LPP: variants seen among roughly 807,000 people sequenced by gnomAD.
The protein encoded by LPP is LIM domain containing preferred translocation partner in lipoma, also known as lipoma-preferred partner.
LPP carries 38 observed loss-of-function variants against 60.4 expected under a neutral mutation model. The ratio of observed to expected loss-of-function variants is 0.63; its 90% CI spans 0.49 to 0.83. The LOEUF (loss-of-function observed/expected upper bound fraction) is 0.83, where lower values mean the gene tolerates loss of function less well. Ranked by LOEUF, LPP falls within the 40% of genes least tolerant of loss-of-function variation. The pLI is 0.00. For missense variants in LPP, 902 were observed against 783.6 expected (o/e 1.15, Z -1.80); for synonymous variants, 328 against 290.8 (o/e 1.13, Z -1.30).
intron 2 of LPP, among the ~76,000 whole-genome samples, chr3:188,238,606 C>T (rs1172909815): frequency 5.3e-5 from 8 of 152,024 alleles, no homozygotes; most frequent in African/African-American, 1.2e-4. Context: ...CAAGGAGAGA[C>T]GTGGGAATGG....
chr3:188,243,773 G>A (rs900850743), intron 2 of LPP, among the ~76,000 whole-genome samples: 1 of 152,110 alleles, frequency 6.6e-6, no homozygotes, highest in African/African-American at 2.4e-5. Flanking sequence ...CTCTCTGGGT[G>A]TAATTTCTTC....
At chr3:188,350,329 T>C (rs895755376) in intron 3 of LPP, among the ~76,000 whole-genome samples, 1 of 152,180 alleles carries the variant, frequency 6.6e-6, no homozygotes, top group Non-Finnish European at 1.5e-5. Context: ...AGGTTTCTTA[T>C]AGAACTAGGG....
intron 3 of LPP, among the ~76,000 whole-genome samples, chr3:188,378,930 A>T (rs910855504): frequency 2.6e-5 from 4 of 152,006 alleles, no homozygotes; most frequent in Non-Finnish European, 4.4e-5. Context: ...TCCATGTGTT[A>T]ATTACTTTAT....
chr3:188,686,170 G>A (rs904177362), intron 7 of LPP, among the ~76,000 whole-genome samples: 6 of 151,992 alleles, frequency 3.9e-5, no homozygotes. Flanking sequence ...CCAGAGCTCT[G>A]TACAAAATAT....
intron 8 of LPP, among the ~76,000 whole-genome samples, chr3:188,742,724 G>A (rs1213533595): frequency 6.6e-6 from 1 of 152,120 alleles, no homozygotes; most frequent in Admixed American, 6.6e-5. Flanking sequence ...AAATGTTCCA[G>A]ATCCTGGTAA....
At chr3:188,607,116 GACACACACACAC>G (rs34057522) in intron 6 of LPP, among the ~76,000 whole-genome samples, 12,083 of 129,538 alleles carry the variant, frequency 0.093, 679 homozygotes, top group Non-Finnish European at 0.12. Flanking sequence ...TCTTGGTGAA[GACACACACACAC>G]ACACACACAC....
intron 8 of LPP, among the ~76,000 whole-genome samples, chr3:188,759,801 G>A (rs1051447915): frequency 6.6e-6 from 1 of 152,138 alleles, no homozygotes; most frequent in Non-Finnish European, 1.5e-5. Context: ...TTGCATGTGA[G>A]ATGAGAGTCA....
chr3:188,376,397 G>C (rs973415255), intron 3 of LPP, among the ~76,000 whole-genome samples: 31 of 152,094 alleles, frequency 2.0e-4, no homozygotes, highest in African/African-American at 5.1e-4. Context: ...TCCTATATTG[G>C]GTGCATATAT....
chr3:188,833,453 A>G (rs544276773), intron 9 of LPP, among the ~76,000 whole-genome samples: 1 of 152,276 alleles, frequency 6.6e-6, no homozygotes, highest in African/African-American at 2.4e-5. Flanking sequence ...CTGCAGGTGG[A>G]GCGTTGGATC....
intron 2 of LPP, among the ~76,000 whole-genome samples, chr3:188,280,758 C>T (rs1423294588): frequency 2.6e-5 from 4 of 152,018 alleles, no homozygotes; most frequent in Admixed American, 1.3e-4. Context: ...TGGATTAACA[C>T]GATGACACAG....
chr3:188,627,558 CATA>C (rs1289054031), intron 7 of LPP, among the ~76,000 whole-genome samples: 1 of 152,262 alleles, frequency 6.6e-6, no homozygotes, highest in African/African-American at 2.4e-5. Context: ...AAGGGCATTA[CATA>C]ATGATAAAGG....
intron 1 of LPP, among the ~76,000 whole-genome samples, chr3:188,157,332 C>G (rs1660836834): frequency 6.6e-6 from 1 of 152,012 alleles, no homozygotes; most frequent in South Asian, 2.1e-4. Flanking sequence ...AGAACTTTTG[C>G]TTCTTGGTGG....
In LPP at chr3:188,776,428, T is replaced by A. The variant is rs1329040320; in HGVS notation, c.1410+16146T>A. Among the ~76,000 whole-genome samples, 7 of 152,294 alleles carry A rather than the reference T, an allele frequency of 4.6e-5. No homozygotes were observed. In the South Asian group the frequency reaches 1.2e-3, roughly 27 times the overall value. ...AATCAGCCTCTTGTTCAGTAAAGAT[T>A]TGTTGAGCATTCATTATATGTGCAT... On this transcript the variant is annotated intron_variant, in intron 9 of 11. Coordinates refer to ENST00000617246, the MANE Select transcript of LPP (RefSeq NM_001375462.1).
chr3:188,528,603 C>A (rs1453345901), intron 6 of LPP, among the ~76,000 whole-genome samples: 4 of 152,220 alleles, frequency 2.6e-5, no homozygotes, highest in Admixed American at 6.5e-5. Context: ...TTGTGAAGCA[C>A]TTTCACATAT....
Position 188,609,977 on chromosome 3 carries a change from G to A in LPP, c.1113+133G>A. On this transcript the variant is annotated intron_variant, in intron 7 of 11. Transcript: ENST00000617246. This position sits in a 1 kb window ranked among gnomAD's most constrained non-coding sequence, Gnocchi z 6.9. Reference sequence around the variant, plus strand: ...ACTGACAAATACAATCCCAGGGAAGGATGAGTGAAGCCAGAGAGGAGAGAG... The same window carrying A: ...ACTGACAAATACAATCCCAGGGAAGAATGAGTGAAGCCAGAGAGGAGAGAG... The A allele has an allele frequency of 1.2e-6, 1 of 849,718 alleles. No homozygotes were observed. Among genetic ancestry groups the A allele is most frequent in the Non-Finnish European group, 1.8e-6 (1 of 559,174 alleles). The allele number at this position is 849,718 out of a possible 1,614,324, so 52.6% of individuals were successfully genotyped here. A position where few individuals can be genotyped will look rare whatever the true frequency, so the allele number is the denominator to read the frequency against.
At chr3:188,447,790 A>G (rs1277088955) in intron 4 of LPP, among the ~76,000 whole-genome samples, 1 of 151,946 alleles carries the variant, frequency 6.6e-6, no homozygotes, top group Non-Finnish European at 1.5e-5. Context: ...GAAAAAAAAA[A>G]GGTGACTCTC....
intron 2 of LPP, among the ~76,000 whole-genome samples, chr3:188,277,014 C>T (rs71308920): frequency 0.17 from 24,243 of 146,628 alleles, 2,324 homozygotes; most frequent in Middle Eastern, 0.29. Context: ...AGTGATTCTC[C>T]TGCCTCAGGC....
At chr3:188,428,220 A>C (rs1485831056) in intron 4 of LPP, among the ~76,000 whole-genome samples, 2 of 152,080 alleles carry the variant, frequency 1.3e-5, no homozygotes, top group African/African-American at 4.8e-5. Flanking sequence ...CACCCTGCTT[A>C]GACTCAACCT....
At position 188,562,649 on chromosome 3, in the gene LPP, G is replaced by A. The variant is rs1458547453; in HGVS notation, c.429+37862G>A. Reference sequence around the variant, plus strand: ...TTGAAATGTAACGTGCGGCACTTCTGAATGTGATTCAAGTGCAAGCTTCCT... The same window carrying A: ...TTGAAATGTAACGTGCGGCACTTCTAAATGTGATTCAAGTGCAAGCTTCCT... On this transcript the variant is annotated intron_variant, in intron 6 of 11. Coordinates refer to ENST00000617246, the MANE Select transcript of LPP (RefSeq NM_001375462.1). Among the ~76,000 whole-genome samples the A allele has an allele frequency of 2.6e-5, 4 of 151,976 alleles. No individual in the cohort carries two copies. The East Asian group carries it at 7.8e-4, about 30-fold the overall frequency.
Sources: gnomAD v4.1 joint callset for allele counts (sites outside exome capture counted in the v4.1 genomes callset) on GRCh38, gnomAD v4.1.1 for gene constraint, Gnocchi (gnomAD v3.1) non-coding constraint, MANE v1.5 for transcripts, NCBI Gene and HGNC (gene_info 2026-07-23, HGNC 2026-07-21) for gene names.